The following SLC12A5 variants were observed in gnomAD, a reference collection of about 807,000 sequenced individuals.
SLC12A5 encodes the protein K-Cl cotransporter 2.
Under a neutral mutation model 124.0 loss-of-function variants are expected in SLC12A5, and 18 were observed. The ratio of observed to expected loss-of-function variants is 0.15; its 90% CI spans 0.10 to 0.22. SLC12A5 has a LOEUF of 0.22. Ranked by LOEUF, SLC12A5 falls within the 10% of genes least tolerant of loss-of-function variation. The pLI is 1.00. For synonymous variants in SLC12A5, 589 were observed against 568.0 expected (o/e 1.04, Z -0.53); for missense variants, 867 against 1,478.7 (o/e 0.59, Z 6.78).
At chr20:46,025,373 C>T (rs1262051468), upstream of SLC12A5, among the ~76,000 whole-genome samples, 1 of 152,188 alleles carries the variant, frequency 6.6e-6, no homozygotes, top group Non-Finnish European at 1.5e-5. Context: ...TGCCCGGTAC[C>T]TCAGCCCAAG....
chr20:46,035,117 C>T (rs2084485734), intron 2 of SLC12A5, 75 bp downstream of exon 2: 6 of 1,422,728 alleles, frequency 4.2e-6, no homozygotes, highest in Non-Finnish European at 5.9e-6. Context: ...TCCCTCCCTC[C>T]CTAGGGAGCA....
chr20:46,035,563 A>C, intron 3 of SLC12A5, 28 bp downstream of exon 3: 1 of 1,591,630 alleles, frequency 6.3e-7, no homozygotes, highest in Non-Finnish European at 8.6e-7. Flanking sequence ...TGAGAAATGG[A>C]AGAAAAGGGA....
chr20:46,057,532 T>C lies in SLC12A5; in HGVS notation c.3278T>C (p.Val1093Ala). 6.2e-7 allele frequency: 1 copy of C among 1,613,946 alleles called. No homozygotes were observed. Among genetic ancestry groups the C allele is most frequent in the Non-Finnish European group, 8.5e-7 (1 of 1,179,982 alleles). Residue 1093 changes from valine (V) to alanine (A), a missense_variant, in exon 26 of 26, where the codon GTC becomes GCC. Val to Ala is a moderately conservative substitution (Grantham distance 64). Transcript: ENST00000243964. The surrounding 1 kb of genome is among the most constrained non-coding windows in gnomAD (Gnocchi z 7.1). Reference protein sequence around the residue: ...GDENYMEFLEVLTEHLDRVML... With the variant: ...GDENYMEFLEALTEHLDRVML... The stretch of plus-strand genomic sequence containing the variant: ...CTCTCAGACATGGAGTTTCTCGAGG[T>C]CCTCACAGAGCACCTGGACCGGGTG...
chr20:46,035,096 C>T, intron 2 of SLC12A5, 54 bp downstream of exon 2: 2 of 1,557,390 alleles, frequency 1.3e-6, no homozygotes, highest in Non-Finnish European at 1.8e-6. Flanking sequence ...CCTGATTCAT[C>T]AGCTGCTCTC....
Position 46,053,261 on chromosome 20 carries a change from A to G in SLC12A5, c.2547+135A>G. ...AGCTTCCGTGTCCTTCCTCCCCTGT[A>G]AACTCCTGGGAAAGGGATCTGCTGA... On this transcript the variant is annotated intron_variant, in intron 19 of 25. Transcript: ENST00000243964. This position sits in a 1 kb window ranked among gnomAD's most constrained non-coding sequence, Gnocchi z 4.7. 1.0e-6 allele frequency: 1 copy of G among 976,480 alleles called. No homozygotes were observed. The highest frequency in any genetic ancestry group is 2.7e-5 in the East Asian group (1 of 37,650). The allele number at this position is 976,480 out of a possible 1,614,324, so 60.5% of individuals were successfully genotyped here.
intron 6 of SLC12A5, among the ~76,000 whole-genome samples, chr20:46,039,709 A>AGGTT (rs1284144442): frequency 6.6e-6 from 1 of 151,928 alleles, no homozygotes. Flanking sequence ...CAGGAGGTGG[A>AGGTT]GGTTGCAGTG....
At chr20:46,047,421 G>A (rs746524511) in intron 14 of SLC12A5, 33 bp from the exon 15 acceptor site, 1 of 1,609,364 alleles carries the variant, frequency 6.2e-7, no homozygotes, top group African/African-American at 1.3e-5. Context: ...GCCCTGCTGG[G>A]GCTCAGAGGC....
chr20:46,056,504 A>G lies in SLC12A5; in HGVS notation c.3050A>G (p.Lys1017Arg). 1 of 1,614,160 alleles carries G rather than the reference A, an allele frequency of 6.2e-7. No individual in the cohort carries two copies. Among genetic ancestry groups the G allele is most frequent in the Non-Finnish European group, 8.5e-7 (1 of 1,180,008 alleles). Residue 1017 changes from lysine (K) to arginine (R), a missense_variant, in exon 23 of 26, where the codon AAG becomes AGG. Around this residue, in one of 9 missense-constraint regions of SLC12A5, gnomAD observed 180 missense variants for 243.6 expected, o/e 0.74. Transcript: ENST00000243964. This position sits in a 1 kb window ranked among gnomAD's most constrained non-coding sequence, Gnocchi z 4.3. ...ACCAAGGACAAGTCGGTGGCAGAGA[A>G]GAATAAGGGCCCCAGTCCTGTCTCC... is the stretch of plus-strand genomic sequence containing the variant. ...TWTKDKSVAE[K>R]NKGPSPVSSE...
At chr20:46,042,912 C>T (rs1600596882) in intron 8 of SLC12A5, among the ~76,000 whole-genome samples, 1 of 152,194 alleles carries the variant, frequency 6.6e-6, no homozygotes. Flanking sequence ...CTCATTTACT[C>T]CACTAGATTG....
Position 46,041,563 on chromosome 20 carries a change from G to A in SLC12A5, c.1066+23G>A, listed in dbSNP as rs1036904351. The stretch of plus-strand genomic sequence containing the variant: ...AAGGTCTGCGGAGGGACAAGGGCTG[G>A]CATCCAGGGAACGCTGCAGGGATTG... On this transcript the variant is annotated intron_variant, in intron 8 of 25. Transcript: ENST00000243964. The A allele has an allele frequency of 8.7e-6, 14 of 1,611,824 alleles. No individual in the cohort carries two copies. The Middle Eastern group carries it at 6.6e-4, about 76-fold the overall frequency.
chr20:46,033,848 A>G (rs2084474582), intron 1 of SLC12A5, among the ~76,000 whole-genome samples: 1 of 152,212 alleles, frequency 6.6e-6, no homozygotes. Context: ...CAGGCACATC[A>G]TCAGCCCTTA....
At position 46,041,354 on chromosome 20, in the gene SLC12A5, C is replaced by A. The variant is rs761591986; in HGVS notation, c.880C>A (p.Leu294Met). The A allele has an allele frequency of 2.5e-6, 4 of 1,614,162 alleles. No individual in the cohort carries two copies. The highest frequency in any genetic ancestry group is 3.4e-6 in the Non-Finnish European group (4 of 1,180,026). ...FPICLLGNRTLSRHGFDVCAK... is the reference protein window; with the variant it reads ...FPICLLGNRTMSRHGFDVCAK... The stretch of plus-strand genomic sequence containing the variant: ...GATCTGCCTCCTGGGTAACCGCACG[C>A]TGTCTCGCCATGGCTTTGATGTCTG... The change falls in exon 8 of 26, where the codon CTG becomes ATG. Residue 294 changes from leucine (L) to methionine (M), a missense_variant. Leu to Met is a conservative substitution (Grantham distance 15). Transcript: ENST00000243964.
intron 20 of SLC12A5, 28 bp from the exon 21 acceptor site, chr20:46,054,888 C>G (rs1393956272): frequency 3.8e-6 from 6 of 1,578,118 alleles, no homozygotes; most frequent in Non-Finnish European, 5.2e-6. Context: ...CTCCCCACCC[C>G]CCAACCCCAA....
intron 1 of SLC12A5, among the ~76,000 whole-genome samples, chr20:46,022,257 T>C (rs1600581309): frequency 1.4e-5 from 2 of 139,542 alleles, no homozygotes. Context: ...GGGACCAGAG[T>C]GAGGAGGTGG....
At position 46,045,912 on chromosome 20, in the gene SLC12A5, C is replaced by G. The variant is rs1399306484; in HGVS notation, c.1604C>G (p.Thr535Ser). The stretch of plus-strand genomic sequence containing the variant: ...CATGGCAAGGCCAATGGAGAGCCGA[C>G]CTGGGCCCTGCTCCTGACTGCCTGC... The part of the protein sequence containing the change: ...FGHGKANGEP[T>S]WALLLTACIC... Residue 535 changes from threonine (T) to serine (S), a missense_variant, in exon 13 of 26, where the codon ACC becomes AGC. Physicochemically the swap from Thr to Ser is moderately conservative, Grantham distance 58. This residue lies in a region of SLC12A5 where 152 missense variants were observed against 358.7 expected (regional missense o/e 0.42). Transcript: ENST00000243964. This position sits in a 1 kb window ranked among gnomAD's most constrained non-coding sequence, Gnocchi z 4.9. 1 of 1,614,172 alleles carries G rather than the reference C, an allele frequency of 6.2e-7. No individual in the cohort carries two copies. Among genetic ancestry groups the G allele is most frequent in the South Asian group, 1.1e-5 (1 of 91,082 alleles).
upstream of SLC12A5, chr20:46,021,777 G>T: frequency 6.5e-7 from 1 of 1,533,250 alleles, no homozygotes; most frequent in Non-Finnish European, 8.7e-7. Context: ...TGAGCCGCAG[G>T]TTCACGGTCA....
Position 46,053,734 on chromosome 20 carries a change from G to A in SLC12A5, c.2679+25G>A, listed in dbSNP as rs760840137. The A allele has an allele frequency of 6.5e-7, 1 of 1,542,582 alleles. No individual in the cohort carries two copies. The highest frequency in any genetic ancestry group is 8.8e-7 in the Non-Finnish European group (1 of 1,140,152). ...GGTGAGTCCCCAGGAGACACCGCTG[G>A]GGTTCCACCTGGCCCTCTTTCCTCT... On this transcript the variant is annotated intron_variant, in intron 20 of 25. Coordinates refer to ENST00000243964, the MANE Select transcript of SLC12A5 (RefSeq NM_020708.5). The surrounding 1 kb of genome is among the most constrained non-coding windows in gnomAD (Gnocchi z 4.7).
chr20:46,041,642 T>TTA, intron 8 of SLC12A5, 102 bp downstream of exon 8: 1 of 1,239,592 alleles, frequency 8.1e-7, no homozygotes, highest in Non-Finnish European at 1.1e-6. Context: ...CTAAATTCAA[T>TTA]CAGCTTTAAT....
In SLC12A5 at chr20:46,040,613, C is replaced by T. The variant is rs746699276; in HGVS notation, c.853C>T (p.Pro285Ser). Residue 285 changes from proline to serine, a missense_variant and splice_region_variant, in exon 7 of 26, where the codon CCG (proline) becomes TCG (serine). Pro to Ser is a moderately conservative substitution (Grantham distance 74). This residue lies in a region of SLC12A5 where 127 missense variants were observed against 164.1 expected (regional missense o/e 0.77). Transcript: ENST00000243964. ...GTCTGCCTTCGACCCACCCAACTTCCCGTGAGTGCTGCTGCTCTGAGCCCA... is the reference window on the plus strand; with the variant it reads ...GTCTGCCTTCGACCCACCCAACTTCTCGTGAGTGCTGCTGCTCTGAGCCCA... ...IKSAFDPPNF[P>S]ICLLGNRTLS... 1 of 1,614,000 alleles carries T rather than the reference C, an allele frequency of 6.2e-7. No homozygotes were observed. The highest frequency in any genetic ancestry group is 1.1e-5 in the South Asian group (1 of 91,072).
Sources: allele counts gnomAD v4.1 joint callset (sites outside exome capture counted in the v4.1 genomes callset), GRCh38; gene constraint gnomAD v4.1.1; regional missense constraint gnomAD v4.1.1; non-coding constraint Gnocchi (gnomAD v3.1); transcripts MANE v1.5; gene names NCBI Gene and HGNC (gene_info 2026-07-23, HGNC 2026-07-21).